Variants in RINT1 observed in about 807,000 individuals in gnomAD.
The protein encoded by RINT1 is RAD50-interacting protein 1.
RINT1 carries 75 observed loss-of-function variants against 97.7 expected under a neutral mutation model. That is an observed-to-expected ratio of 0.77 (90% CI 0.64 to 0.93). The LOEUF (loss-of-function observed/expected upper bound fraction) is 0.93, where lower values mean the gene tolerates loss of function less well. RINT1 is among the 40% of genes least tolerant of loss of function. The pLI is 0.00. For synonymous variants in RINT1, 303 were observed against 326.3 expected (o/e 0.93, Z 0.77); for missense variants, 892 against 925.2 (o/e 0.96, Z 0.47).
intron 2 of RINT1, chr7:105,535,546 T>C (rs1294862238): frequency 4.7e-6 from 2 of 428,934 alleles, no homozygotes; most frequent in African/African-American, 6.1e-5. Flanking sequence ...TTTACTTTTT[T>C]GTTTGTTTGT....
intron 11 of RINT1, among the ~76,000 whole-genome samples, chr7:105,561,143 C>A (rs1389556663): frequency 6.6e-6 from 1 of 151,234 alleles, no homozygotes; most frequent in Non-Finnish European, 1.5e-5. Context: ...ATTTAGTCCT[C>A]TGTTAATTTT....
rs1314914482 is a variant in RINT1, at chr7:105,535,331, G to A, written c.89-1234G>A. On this transcript the variant is annotated intron_variant, in intron 2 of 14. Transcript: ENST00000257700. ...TGCAACCTCCGCCTCCCGGGTTCAA[G>A]CGATTCTTCTGCCTCAGCCTCCCGA... is the stretch of plus-strand genomic sequence containing the variant. Among the ~76,000 whole-genome samples the A allele has an allele frequency of 4.7e-5, 6 of 127,796 alleles. No homozygotes were observed. In the East Asian group the frequency reaches 1.3e-3, roughly 27 times the overall value. 83.8% of individuals were successfully genotyped at this position (127,796 alleles called of 152,430 possible).
chr7:105,548,410 A>G (rs1372863499), intron 6 of RINT1, 144 bp from the exon 7 acceptor site: 2 of 676,066 alleles, frequency 3.0e-6, no homozygotes, highest in Non-Finnish European at 5.1e-6. Context: ...ATATAAAATT[A>G]GGTTACATAT....
chr7:105,540,307 G>T (rs9692503), intron 3 of RINT1, among the ~76,000 whole-genome samples: 2 of 151,784 alleles, frequency 1.3e-5, no homozygotes, highest in South Asian at 2.1e-4. Flanking sequence ...CTGTCGCCCA[G>T]GCTGGAGTGC....
At chr7:105,559,626 CAGG>C (rs1395989481) in intron 11 of RINT1, among the ~76,000 whole-genome samples, 1 of 150,028 alleles carries the variant, frequency 6.7e-6, no homozygotes, top group Non-Finnish European at 1.5e-5. Context: ...GAGGCTGAGG[CAGG>C]AGAATAGCTT....
At chr7:105,551,785 G>T (rs1790938945) in intron 10 of RINT1, 78 bp downstream of exon 10, 1 of 1,259,152 alleles carries the variant, frequency 7.9e-7, no homozygotes, top group Non-Finnish European at 1.1e-6. Flanking sequence ...AGCTCAGTAG[G>T]CTGGGTGCAG....
chr7:105,536,789 A>C, intron 3 of RINT1, 40 bp downstream of exon 3: 1 of 1,213,144 alleles, frequency 8.2e-7, no homozygotes, highest in Non-Finnish European at 1.1e-6. Flanking sequence ...TCAGTGGAAT[A>C]CTTTTAACAA....
chr7:105,538,001 CT>C (rs1007376563), intron 3 of RINT1, among the ~76,000 whole-genome samples: 1 of 150,262 alleles, frequency 6.7e-6, no homozygotes, highest in Non-Finnish European at 1.5e-5. Context: ...ACATTTTTTT[CT>C]TTTTTTTTGA....
chr7:105,560,772 T>C (rs1185250030), intron 11 of RINT1, among the ~76,000 whole-genome samples: 1 of 152,064 alleles, frequency 6.6e-6, no homozygotes, highest in Non-Finnish European at 1.5e-5. Context: ...CCAGGCTGGA[T>C]TGCAGTGGTG....
At chr7:105,535,766 G>A (rs1330574147) in intron 2 of RINT1, 8 of 312,504 alleles carry the variant, frequency 2.6e-5, no homozygotes, top group Admixed American at 2.6e-4. Context: ...TAGAACTTCT[G>A]GGCTCAAGTG....
intron 10 of RINT1, among the ~76,000 whole-genome samples, chr7:105,554,441 C>G (rs1291313064): frequency 7.1e-6 from 1 of 140,906 alleles, no homozygotes; most frequent in African/African-American, 2.6e-5. Flanking sequence ...TTTTTTCTTT[C>G]TTTTTTTTTT....
At position 105,550,309 on chromosome 7, in the gene RINT1, A is replaced by G; in HGVS notation, c.1156A>G (p.Thr386Ala). 1.2e-6 allele frequency: 2 copies of G among 1,614,122 alleles called. No individual in the cohort carries two copies. The highest frequency in any genetic ancestry group is 1.7e-6 in the Non-Finnish European group (2 of 1,180,016). Reference sequence around the variant, plus strand: ...GATGCTGGTTCTTGAGAAGTTAGCCACTGATATTCCTTGTCTGCTATATGA... The same window carrying G: ...GATGCTGGTTCTTGAGAAGTTAGCCGCTGATATTCCTTGTCTGCTATATGA... ...LMMLVLEKLA[T>A]DIPCLLYDDN... Residue 386 changes from threonine to alanine, a missense_variant, in exon 9 of 15, where the codon ACT (threonine) becomes GCT (alanine). Thr to Ala is a moderately conservative substitution (Grantham distance 58). Transcript: ENST00000257700.
In RINT1 at chr7:105,547,308, T is replaced by C. The variant is rs761066440; in HGVS notation, c.814T>C (p.Cys272Arg). ...ATACAGTTACCTGGAGACACTGTTT[T>C]GTCAGCTTTTGAAACTACAAACCTC... ...EIYSYLETLF[C>R]QLLKLQTSDE... The change falls in exon 6 of 15, where the codon TGT becomes CGT. Residue 272 changes from cysteine to arginine, a missense_variant. Coordinates refer to ENST00000257700, the MANE Select transcript of RINT1 (RefSeq NM_021930.6). 6.2e-6 allele frequency: 10 copies of C among 1,614,210 alleles called. No homozygotes were observed. In the East Asian group the frequency reaches 2.0e-4, roughly 32 times the overall value.
chr7:105,541,002 A>AATTTTTTTGT (rs1457534835), intron 3 of RINT1, among the ~76,000 whole-genome samples: 1 of 149,976 alleles, frequency 6.7e-6, no homozygotes, highest in African/African-American at 2.5e-5. Context: ...ATGCTCAGCT[A>AATTTTTTTGT]ATTTTTTTGT....
intron 9 of RINT1, 105 bp from the exon 10 acceptor site, chr7:105,551,465 G>C (rs1586243110): frequency 9.9e-7 from 1 of 1,008,632 alleles, no homozygotes; most frequent in East Asian, 2.6e-5. Context: ...TTGTAGGTTT[G>C]TTTCTTTTTT....
chr7:105,545,991 A>C (rs1790650675), intron 4 of RINT1, among the ~76,000 whole-genome samples: 1 of 66,964 alleles, frequency 1.5e-5, no homozygotes, highest in East Asian at 4.6e-4. Flanking sequence ...TTTAGTAGAG[A>C]TGGGGGATGG....
rs563037998 is a variant in RINT1 at position 105,560,881 on chromosome 7, C to T, written c.1672-2852C>T. On this transcript the variant is annotated intron_variant, in intron 11 of 14. Coordinates refer to ENST00000257700, the MANE Select transcript of RINT1 (RefSeq NM_021930.6). The stretch of plus-strand genomic sequence containing the variant: ...GATTACAGGTGTGCGCCACCATGCC[C>T]GACTAACTTTTCTATTTTTAGTAGA... Among the ~76,000 whole-genome samples, 111 of 152,010 alleles carry T rather than the reference C, an allele frequency of 7.3e-4. 2 individuals carry two copies. The highest frequency in any genetic ancestry group is 9.2e-4 in the African/African-American group (38 of 41,494).
At position 105,550,083 on chromosome 7, in the gene RINT1, T is replaced by C. The variant is rs140651827; in HGVS notation, c.1025T>C (p.Met342Thr). 1,592 of 1,613,208 alleles carry C rather than the reference T, an allele frequency of 9.9e-4. 32 individuals are homozygous for C. In the South Asian group the frequency reaches 0.013, roughly 13 times the overall value. ...GAATGGTACTTGGCTCAAGTACTTA[T>C]GTGGATTGGAAACCATACTGAATTT... The part of the protein sequence containing the change: ...KPEWYLAQVL[M>T]WIGNHTEFLD... Residue 342 changes from methionine (M) to threonine (T), a missense_variant, in exon 8 of 15, where the codon ATG becomes ACG. By Grantham distance (81) the Met-to-Thr change is moderately conservative (BLOSUM62 -1). Coordinates refer to ENST00000257700, the MANE Select transcript of RINT1 (RefSeq NM_021930.6).
intron 14 of RINT1, chr7:105,566,611 G>A (rs1242232522): frequency 6.6e-6 from 1 of 151,938 alleles, no homozygotes; most frequent in Non-Finnish European, 1.5e-5. Flanking sequence ...TTTCACTCCA[G>A]CCTAGGTGAC....
Sources: gnomAD v4.1 joint callset for allele counts (sites outside exome capture counted in the v4.1 genomes callset) on GRCh38, gnomAD v4.1.1 for gene constraint, MANE v1.5 for transcripts, NCBI Gene and HGNC (gene_info 2026-07-23, HGNC 2026-07-21) for gene names.